BACH2: variants seen among roughly 807,000 people sequenced by gnomAD.
The protein encoded by BACH2 is transcription regulator protein BACH2.
A neutral mutation model predicts 61.8 loss-of-function variants in BACH2; 5 were observed. The observed-to-expected ratio is 0.08, with a 90% CI of 0.04 to 0.17. The LOEUF is 0.17. Among genes scored for constraint, BACH2 ranks in the 10% least tolerant of loss-of-function variants. BACH2 has a pLI of 1.00. For missense variants in BACH2, 824 were observed against 1,091.1 expected, an observed-to-expected ratio of 0.76 and a Z score of 3.45; for synonymous variants, 446 against 440.1, an observed-to-expected ratio of 1.01 and a Z score of -0.17.
At chr6:90,076,274 T>C (rs1781467190) in intron 5 of BACH2, among the ~76,000 whole-genome samples, 1 of 152,160 alleles carries the variant, frequency 6.6e-6, no homozygotes, top group South Asian at 2.1e-4. Flanking sequence ...TAAATCTTCA[T>C]AATGCATGTC....
At chr6:90,021,433 T>C (rs1778371702) in intron 5 of BACH2, among the ~76,000 whole-genome samples, 1 of 151,860 alleles carries the variant, frequency 6.6e-6, no homozygotes, top group South Asian at 2.1e-4. Context: ...GAAATGAATA[T>C]GCCTTGCAGG....
At chr6:90,186,964 T>C (rs1233819938) in intron 4 of BACH2, among the ~76,000 whole-genome samples, 1 of 152,232 alleles carries the variant, frequency 6.6e-6, no homozygotes, top group Non-Finnish European at 1.5e-5. Flanking sequence ...TAATTAAGTG[T>C]GAAATCAAAA....
intron 5 of BACH2, among the ~76,000 whole-genome samples, chr6:90,022,999 G>C (rs1778456227): frequency 1.3e-5 from 2 of 152,198 alleles, no homozygotes; most frequent in South Asian, 4.1e-4. Flanking sequence ...GAAATACACT[G>C]AGATATATTT....
chr6:89,982,873 T>G (rs1776035789), intron 6 of BACH2, among the ~76,000 whole-genome samples: 1 of 152,212 alleles, frequency 6.6e-6, no homozygotes. Flanking sequence ...CCATATCTCT[T>G]CAGCCATTCT....
At chr6:89,980,926 T>A (rs1212478172) in intron 6 of BACH2, among the ~76,000 whole-genome samples, 3 of 151,870 alleles carry the variant, frequency 2.0e-5, no homozygotes, top group Non-Finnish European at 4.4e-5. Context: ...AACCAGTGAA[T>A]GGGGTTAGAA....
chr6:89,986,920 A>C (rs1286084830), intron 6 of BACH2, among the ~76,000 whole-genome samples: 1 of 152,194 alleles, frequency 6.6e-6, no homozygotes, highest in African/African-American at 2.4e-5. Context: ...TGATACGAAA[A>C]AATGAGGTCT....
chr6:90,219,187 A>C (rs1370164876), intron 3 of BACH2, among the ~76,000 whole-genome samples: 1 of 152,192 alleles, frequency 6.6e-6, no homozygotes, highest in Admixed American at 6.5e-5. Flanking sequence ...AAGAGCTAAA[A>C]GTCTTTCTTG....
At chr6:90,091,679 A>G (rs1782164387) in intron 4 of BACH2, among the ~76,000 whole-genome samples, 1 of 152,192 alleles carries the variant, frequency 6.6e-6, no homozygotes, top group Non-Finnish European at 1.5e-5. Flanking sequence ...TCACTTATGT[A>G]TAAACTCAAA....
At chr6:89,936,744 G>T (rs1159428943) in intron 8 of BACH2, among the ~76,000 whole-genome samples, 3 of 152,136 alleles carry the variant, frequency 2.0e-5, no homozygotes, top group African/African-American at 7.2e-5. Context: ...AAAAAACCCT[G>T]ACGTCCAGGG....
intron 4 of BACH2, among the ~76,000 whole-genome samples, chr6:90,090,071 T>G (rs189244870): frequency 6.6e-6 from 1 of 152,324 alleles, no homozygotes; most frequent in East Asian, 1.9e-4. Context: ...TTCAGATACA[T>G]GCACATACTC....
intron 8 of BACH2, among the ~76,000 whole-genome samples, chr6:89,935,699 G>A (rs1018201143): frequency 6.6e-6 from 1 of 152,220 alleles, no homozygotes; most frequent in African/African-American, 2.4e-5. Context: ...TTAGATATCT[G>A]CCTGGTCTGT....
chr6:90,257,928 A>C (rs1402459584), intron 2 of BACH2, among the ~76,000 whole-genome samples: 1 of 152,084 alleles, frequency 6.6e-6, no homozygotes, highest in African/African-American at 2.4e-5. Context: ...GGTGTGCGCC[A>C]CCACACCCAG....
intron 4 of BACH2, among the ~76,000 whole-genome samples, chr6:90,157,568 C>T (rs749017335): frequency 1.3e-5 from 2 of 152,200 alleles, no homozygotes; most frequent in Admixed American, 6.5e-5. Context: ...TTCCATCTTT[C>T]GGTCCTATTT....
At chr6:89,957,866 C>G (rs555111393) in intron 6 of BACH2, among the ~76,000 whole-genome samples, 30 of 152,194 alleles carry the variant, frequency 2.0e-4, no homozygotes, top group African/African-American at 7.2e-4. Context: ...TTAGATAGAG[C>G]TTATTTTGTG....
chr6:90,246,992 G>C (rs144196747), intron 3 of BACH2, among the ~76,000 whole-genome samples: 1 of 151,826 alleles, frequency 6.6e-6, no homozygotes, highest in East Asian at 1.9e-4. Flanking sequence ...TACTTGTTAC[G>C]AATCAAGTTT....
intron 2 of BACH2, among the ~76,000 whole-genome samples, chr6:90,267,867 A>T (rs1194210896): frequency 1.3e-5 from 2 of 152,194 alleles, no homozygotes; most frequent in Non-Finnish European, 1.5e-5. Context: ...GTATAGAGAA[A>T]GGAAAAGAAC....
intron 4 of BACH2, among the ~76,000 whole-genome samples, chr6:90,132,311 G>C (rs1310621480): frequency 6.6e-6 from 1 of 152,132 alleles, no homozygotes; most frequent in Non-Finnish European, 1.5e-5. Context: ...AACAGGGCTG[G>C]TCATACCCCC....
At chr6:90,040,259 A>T (rs1779469528) in intron 5 of BACH2, among the ~76,000 whole-genome samples, 1 of 152,162 alleles carries the variant, frequency 6.6e-6, no homozygotes, top group Non-Finnish European at 1.5e-5. Flanking sequence ...CTTGGTGTAA[A>T]TATGAACCAC....
At chr6:89,977,312 T>A (rs914989798) in intron 6 of BACH2, among the ~76,000 whole-genome samples, 2 of 152,302 alleles carry the variant, frequency 1.3e-5, no homozygotes, top group South Asian at 4.1e-4. Context: ...AATCCTAAAT[T>A]CTGCTATTAT....
Sources: gnomAD v4.1 joint callset for allele counts (sites outside exome capture counted in the v4.1 genomes callset) on GRCh38, gnomAD v4.1.1 for gene constraint, MANE v1.5 for transcripts, NCBI Gene and HGNC (gene_info 2026-07-23, HGNC 2026-07-21) for gene names.